The following DMD variants were observed in gnomAD, a reference collection of about 807,000 sequenced individuals.
The protein encoded by DMD is dystrophin.
In DMD, 63 loss-of-function variants were observed where a neutral mutation model predicts 330.1. The ratio of observed to expected loss-of-function variants is 0.19; its 90% CI spans 0.16 to 0.24. DMD has a LOEUF of 0.24. Among genes scored for constraint, DMD ranks in the 10% least tolerant of loss-of-function variants. The probability of loss-of-function intolerance (pLI) is 1.00; values close to 1 mark genes in which losing one functional copy is unlikely to be tolerated. For missense variants in DMD, 3,344 were observed against 2,684.1 expected (o/e 1.25, Z -5.43); for synonymous variants, 1,223 against 959.8 (o/e 1.27, Z -5.07).
chrX:32,107,664 A>G (rs971057729), intron 44 of DMD, among the ~76,000 whole-genome samples: 1 of 110,655 alleles, frequency 9.0e-6, no homozygotes, highest in Non-Finnish European at 1.9e-5. Context: ...TCAGGCCTTT[A>G]ATTAATTACA....
chrX:32,567,149 C>G (rs891516246), intron 15 of DMD, among the ~76,000 whole-genome samples: 1 of 111,428 alleles, frequency 9.0e-6, no homozygotes, highest in African/African-American at 3.3e-5. Context: ...TCTAGTGGCT[C>G]CTTCAATTAG....
intron 7 of DMD, among the ~76,000 whole-genome samples, chrX:32,730,639 G>A (rs946170930): frequency 8.9e-6 from 1 of 111,958 alleles, no homozygotes; most frequent in African/African-American, 3.3e-5. Flanking sequence ...GGACTAGAAA[G>A]CCTATGAAAA....
chrX:32,059,431 T>C (rs999113426), intron 44 of DMD, among the ~76,000 whole-genome samples: 19 of 110,969 alleles, frequency 1.7e-4, no homozygotes, highest in African/African-American at 6.2e-4. Flanking sequence ...TAAACACATA[T>C]ATGAAGAGAT....
chrX:32,855,395 C>T (rs2081465286), intron 2 of DMD, among the ~76,000 whole-genome samples: 1 of 111,487 alleles, frequency 9.0e-6, no homozygotes, highest in Admixed American at 9.5e-5. Context: ...ACTAGGAATC[C>T]CATTACCTGA....
chrX:33,023,045 A>G (rs1418737259), intron 1 of DMD, among the ~76,000 whole-genome samples: 2 of 111,707 alleles, frequency 1.8e-5, no homozygotes, highest in Non-Finnish European at 3.8e-5. Context: ...AATACTTCAA[A>G]TAATAATGCT....
chrX:32,704,450 A>T (rs1219221964), intron 7 of DMD, among the ~76,000 whole-genome samples: 1 of 111,928 alleles, frequency 8.9e-6, no homozygotes, highest in African/African-American at 3.3e-5. Context: ...CCGCTGGGAA[A>T]TCTAAAGAAG....
rs139102608 is a variant in DMD, at chrX:33,249,868, G to A, written c.7+89391C>T. ...GGAGATGATATTTACCATGTAGTAT[G>A]TTCCATTCAGGTATCAAGGGATACT... is the stretch of plus-strand genomic sequence containing the variant. On this transcript the variant is annotated intron_variant, in intron 1 of 17. Coordinates refer to the DMD transcript ENST00000288447. 5.3e-4 allele frequency among the ~76,000 whole-genome samples: 58 copies of A among 109,882 alleles called. 1 individual carries two copies. Among genetic ancestry groups the A allele is most frequent in the African/African-American group, 1.9e-3 (58 of 30,026 alleles).
intron 7 of DMD, among the ~76,000 whole-genome samples, chrX:32,750,953 T>C (rs1301117191): frequency 8.9e-6 from 1 of 111,951 alleles, no homozygotes; most frequent in Non-Finnish European, 1.9e-5. Flanking sequence ...CTCTGTCTGC[T>C]GCCATCCATG....
intron 1 of DMD, among the ~76,000 whole-genome samples, chrX:33,265,070 G>A (rs1336894646): frequency 1.8e-5 from 2 of 111,084 alleles, no homozygotes; most frequent in African/African-American, 6.5e-5. Context: ...TGAGAACAAA[G>A]ATGATGTACC....
intron 41 of DMD, among the ~76,000 whole-genome samples, chrX:32,328,360 G>T (rs1246241848): frequency 9.0e-6 from 1 of 111,647 alleles, no homozygotes; most frequent in African/African-American, 3.2e-5. Flanking sequence ...TTTATTATTT[G>T]TAAGTGTTAA....
rs1419782252 is a variant in DMD at position 32,599,599 on chromosome X, T to C, written c.1483-3723A>G. ...ATATGAGCCAAATAGTTTCCAAATA[T>C]AGATGCATCCCTAGAGAAGTACACA... is the stretch of plus-strand genomic sequence containing the variant. On this transcript the variant is annotated intron_variant, in intron 12 of 78. Coordinates refer to ENST00000357033, the MANE Select transcript of DMD (RefSeq NM_004006.3). Among the ~76,000 whole-genome samples, 9 of 110,768 alleles carry C rather than the reference T, an allele frequency of 8.1e-5. No homozygotes were observed. In the East Asian group the frequency reaches 1.4e-3, roughly 17 times the overall value.
chrX:32,320,302 G>A (rs1472430168), intron 41 of DMD, among the ~76,000 whole-genome samples: 1 of 111,464 alleles, frequency 9.0e-6, no homozygotes, highest in Non-Finnish European at 1.9e-5. Context: ...GTTTTTCAAG[G>A]AAGTATTCTC....
intron 62 of DMD, among the ~76,000 whole-genome samples, chrX:31,314,424 G>C (rs2055797219): frequency 8.9e-6 from 1 of 112,047 alleles, no homozygotes; most frequent in South Asian, 3.7e-4. Flanking sequence ...GACATGCAAT[G>C]GCTTTGGGGA....
chrX:32,974,134 T>C (rs752950255), intron 2 of DMD, among the ~76,000 whole-genome samples: 1 of 111,942 alleles, frequency 8.9e-6, no homozygotes, highest in East Asian at 2.8e-4. Flanking sequence ...GACTGATACA[T>C]TCTACAATAT....
chrX:32,882,120 C>G (rs1322769525), intron 2 of DMD, among the ~76,000 whole-genome samples: 1 of 111,973 alleles, frequency 8.9e-6, no homozygotes, highest in Non-Finnish European at 1.9e-5. Flanking sequence ...ACCAGCACCA[C>G]CTGGCTGGCA....
intron 50 of DMD, among the ~76,000 whole-genome samples, chrX:31,786,493 T>C (rs750828569): frequency 1.3e-3 from 148 of 111,104 alleles, no homozygotes; most frequent in African/African-American, 4.8e-3. Flanking sequence ...TGGAAAATAA[T>C]CGATTTATTT....
chrX:32,123,533 A>G (rs967138138), intron 44 of DMD, among the ~76,000 whole-genome samples: 4 of 110,368 alleles, frequency 3.6e-5, no homozygotes, highest in Non-Finnish European at 7.6e-5. Flanking sequence ...CTGTTTCTGA[A>G]GAAAGAGAAA....
At chrX:32,509,407 G>C (rs1392524653) in intron 18 of DMD, among the ~76,000 whole-genome samples, 3 of 110,974 alleles carry the variant, frequency 2.7e-5, no homozygotes, top group Admixed American at 9.6e-5. Context: ...CAAAAACAAA[G>C]TCTAAAGAGA....
rs1019933065 is a variant in DMD, at chrX:32,700,058, G to C, written c.650-765C>G. Reference sequence around the variant, plus strand: ...AATACTTTGTAATAACACATATAAAGTGGCAGCTCCTTCAAAAGATTCATT... The same window carrying C: ...AATACTTTGTAATAACACATATAAACTGGCAGCTCCTTCAAAAGATTCATT... On this transcript the variant is annotated intron_variant, in intron 7 of 78. Coordinates refer to ENST00000357033, the MANE Select transcript of DMD (RefSeq NM_004006.3). 1.3e-4 allele frequency among the ~76,000 whole-genome samples: 14 copies of C among 111,273 alleles called. No homozygotes were observed. The East Asian group carries it at 1.4e-3, about 11-fold the overall frequency.
Sources: allele counts gnomAD v4.1 joint callset (sites outside exome capture counted in the v4.1 genomes callset), GRCh38; gene constraint gnomAD v4.1.1; transcripts MANE v1.5; gene names NCBI Gene and HGNC (gene_info 2026-07-23, HGNC 2026-07-21).